WDR82: variants seen among roughly 807,000 people sequenced by gnomAD.
The protein encoded by WDR82 is WD repeat-containing protein 82.
Under a neutral mutation model 36.1 loss-of-function variants are expected in WDR82, and 8 were observed. That is an observed-to-expected ratio of 0.22 (90% confidence interval 0.13 to 0.40). WDR82 has a LOEUF of 0.40. Among genes scored for constraint, WDR82 ranks in the 10% least tolerant of loss-of-function variants. WDR82 has a pLI of 1.00. For synonymous variants in WDR82, 129 were observed against 137.8 expected (o/e 0.94, Z 0.45); for missense variants, 185 against 400.5 (o/e 0.46, Z 4.59).
intron 1 of WDR82, among the ~76,000 whole-genome samples, chr3:52,273,364 G>A (rs1249754906): frequency 6.6e-6 from 1 of 151,954 alleles, no homozygotes; most frequent in East Asian, 1.9e-4. Flanking sequence ...CCGGGACATG[G>A]AGGTTGCATT....
intron 4 of WDR82, 137 bp downstream of exon 4, chr3:52,261,243 A>G: frequency 1.4e-6 from 1 of 714,726 alleles, no homozygotes; most frequent in Non-Finnish European, 2.3e-6. Context: ...CTAAAAAAAC[A>G]GATTTTCTCC....
chr3:52,259,391 A>G (rs888002629), intron 6 of WDR82, 125 bp from the exon 7 acceptor site: 12 of 967,192 alleles, frequency 1.2e-5, no homozygotes, highest in African/African-American at 3.3e-5. Context: ...GTCATGTACT[A>G]CACCACCAAG....
intron 3 of WDR82, among the ~76,000 whole-genome samples, chr3:52,263,052 CCA>C (rs10561173): frequency 0.035 from 5,339 of 152,260 alleles, 312 homozygotes; most frequent in African/African-American, 0.12. Flanking sequence ...CGCTTGAACC[CCA>C]GAGATGGAGG....
rs1700229299 is a variant in WDR82 at position 52,278,564 on chromosome 3, G to T, written c.-203C>A. The stretch of plus-strand genomic sequence containing the variant: ...CCTGGACTGTGGAGCCTCGCCGACC[G>T]TTCGTCCTCACAGCCACCTCACGGA... On this transcript the variant is annotated 5_prime_UTR_variant, in exon 1 of 9. Transcript: ENST00000296490. 4.6e-6 allele frequency: 2 copies of T among 435,432 alleles called. No homozygotes were observed. The highest frequency in any genetic ancestry group is 7.7e-6 in the Non-Finnish European group (2 of 260,212). The allele number at this position is 435,432 out of a possible 1,614,324, so 27.0% of individuals were successfully genotyped here. A position where few individuals can be genotyped will look rare whatever the true frequency, so the allele number is the denominator to read the frequency against.
rs2107328525 is a variant in WDR82, at chr3:52,257,148, T to C, written c.*342A>G. 3.1e-6 allele frequency: 1 copy of C among 326,330 alleles called. No homozygotes were observed. The highest frequency in any genetic ancestry group is 3.8e-5 in the South Asian group (1 of 26,064). The allele number at this position is 326,330 out of a possible 1,614,324, so 20.2% of individuals were successfully genotyped here. A position where few individuals can be genotyped will look rare whatever the true frequency, so the allele number is the denominator to read the frequency against. ...AGAAGGGATGTGCGGAACTGATGAC[T>C]TCACCGGCTCCTCAGCAGCATGTAC... On this transcript the variant is annotated 3_prime_UTR_variant, in exon 9 of 9. Transcript: ENST00000296490.
chr3:52,259,131 T>G, intron 7 of WDR82, 66 bp downstream of exon 7: 1 of 1,398,826 alleles, frequency 7.1e-7, no homozygotes, highest in Non-Finnish European at 1.0e-6. Context: ...TCTCAGTTAA[T>G]AATTTAAACA....
At chr3:52,270,634 CAGA>C (rs1249909251) in intron 2 of WDR82, 75 bp downstream of exon 2, 8 of 1,077,114 alleles carry the variant, frequency 7.4e-6, no homozygotes, top group Non-Finnish European at 1.1e-5. Flanking sequence ...AGTCACAAAG[CAGA>C]AGTAGTCACA....
At chr3:52,264,438 T>C (rs1165326237) in intron 3 of WDR82, among the ~76,000 whole-genome samples, 1 of 152,082 alleles carries the variant, frequency 6.6e-6, no homozygotes, top group African/African-American at 2.4e-5. Context: ...ACCAGTGGCT[T>C]TTTAACTAGA....
intron 4 of WDR82, 111 bp downstream of exon 4, chr3:52,261,269 C>A: frequency 1.1e-6 from 1 of 921,846 alleles, no homozygotes; most frequent in East Asian, 2.6e-5. Flanking sequence ...TTAAAAAGAC[C>A]CTGTGATCCC....
intron 1 of WDR82, among the ~76,000 whole-genome samples, chr3:52,277,077 T>C (rs1559457415): frequency 2.8e-5 from 4 of 144,622 alleles, no homozygotes; most frequent in Non-Finnish European, 3.0e-5. Flanking sequence ...ATAATAATAA[T>C]AATAATAATA....
chr3:52,273,013 G>A (rs1700168310), intron 1 of WDR82, among the ~76,000 whole-genome samples: 1 of 152,176 alleles, frequency 6.6e-6, no homozygotes, highest in Non-Finnish European at 1.5e-5. Context: ...TCTGATGTGG[G>A]GTTACTGTGT....
chr3:52,278,392 A>AGGGCC lies in WDR82; in HGVS notation c.-36_-32dup, dbSNP rs1559457947. 4 of 1,419,864 alleles carry AGGGCC rather than the reference A, an allele frequency of 2.8e-6. No homozygotes were observed. The highest frequency in any genetic ancestry group is 2.8e-6 in the Non-Finnish European group (3 of 1,079,226). The allele number at this position is 1,419,864 out of a possible 1,614,324, so 88.0% of individuals were successfully genotyped here. On this transcript the variant is annotated 5_prime_UTR_variant, in exon 1 of 9. Transcript: ENST00000296490. ...CGGCTGGGGAAGGCAGCGGCGGCGC[A>AGGGCC]GGGCCGGGGCGGGGCCCGGCGGCGA...
chr3:52,267,040 A>T, intron 2 of WDR82, 22 bp from the exon 3 acceptor site: 1 of 1,579,420 alleles, frequency 6.3e-7, no homozygotes, highest in African/African-American at 1.3e-5. Flanking sequence ...CAAACAAGGT[A>T]TGATGATATC....
intron 6 of WDR82, 147 bp from the exon 7 acceptor site, chr3:52,259,413 G>T: frequency 1.2e-6 from 1 of 863,168 alleles, no homozygotes. Flanking sequence ...TTCCAAATGT[G>T]GTTGCCATCG....
chr3:52,274,442 G>A (rs1211525653), intron 1 of WDR82, among the ~76,000 whole-genome samples: 1 of 152,140 alleles, frequency 6.6e-6, no homozygotes, highest in African/African-American at 2.4e-5. Context: ...GCGAGTGCTT[G>A]TAGGCCCAAC....
intron 1 of WDR82, 88 bp from the exon 2 acceptor site, chr3:52,270,897 G>A (rs1333247890): frequency 1.0e-6 from 1 of 963,472 alleles, no homozygotes; most frequent in Non-Finnish European, 1.5e-6. Context: ...CTTGAATGAT[G>A]TGGCAAAGGT....
At chr3:52,276,634 T>G (rs549866249) in intron 1 of WDR82, among the ~76,000 whole-genome samples, 1 of 152,312 alleles carries the variant, frequency 6.6e-6, no homozygotes, top group East Asian at 1.9e-4. Flanking sequence ...ATACATTTCA[T>G]GCAAGCCAGC....
chr3:52,264,403 A>C (rs1700087799), intron 3 of WDR82, among the ~76,000 whole-genome samples: 1 of 152,202 alleles, frequency 6.6e-6, no homozygotes, highest in Admixed American at 6.5e-5. Context: ...TTTTACTGAG[A>C]GGTTAAGCAC....
chr3:52,259,252 G>C lies in WDR82; in HGVS notation c.714C>G (p.Ser238Arg). Residue 238 changes from serine to arginine, a missense_variant, in exon 7 of 9, where the codon AGC becomes AGG. Physicochemically the swap from Ser to Arg is moderately radical, Grantham distance 110. This residue lies in a region of WDR82 where 110 missense variants were observed against 212.6 expected (regional missense o/e 0.52). Coordinates refer to ENST00000296490, the MANE Select transcript of WDR82 (RefSeq NM_025222.4). ...ATGAAGCCTCCAGTGTGACAGCTTT[G>C]CTGTTGGCATAACCCTAAAACAAAA... The part of the protein sequence containing the change: ...VMHTFGGYAN[S>R]KAVTLEASFT... 1 of 1,614,190 alleles carries C rather than the reference G, an allele frequency of 6.2e-7. No individual in the cohort carries two copies. The highest frequency in any genetic ancestry group is 1.1e-5 in the South Asian group (1 of 91,080).
Sources: gnomAD v4.1 joint callset for allele counts (sites outside exome capture counted in the v4.1 genomes callset) on GRCh38, gnomAD v4.1.1 for gene constraint, gnomAD v4.1.1 regional missense constraint, MANE v1.5 for transcripts, NCBI Gene and HGNC (gene_info 2026-07-23, HGNC 2026-07-21) for gene names.